PIK3CB: variants seen among roughly 807,000 people sequenced by gnomAD.
PIK3CB encodes the protein phosphatidylinositol 4,5-bisphosphate 3-kinase catalytic subunit beta isoform.
In PIK3CB, 39 loss-of-function variants were observed where a neutral mutation model predicts 136.8. The ratio of observed to expected loss-of-function variants is 0.29; its 90% CI spans 0.22 to 0.37. The LOEUF (loss-of-function observed/expected upper bound fraction) is 0.37, where lower values mean the gene tolerates loss of function less well. Among genes scored for constraint, PIK3CB ranks in the 10% least tolerant of loss-of-function variants. The pLI, the probability that PIK3CB is intolerant of heterozygous loss-of-function variation, is 1.00. For synonymous variants in PIK3CB, 428 were observed against 436.6 expected (o/e 0.98, Z 0.25); for missense variants, 868 against 1,275.4 (o/e 0.68, Z 4.87).
intron 12 of PIK3CB, among the ~76,000 whole-genome samples, chr3:138,702,765 T>C (rs1295487068): frequency 1.3e-5 from 2 of 152,252 alleles, no homozygotes; most frequent in African/African-American, 4.8e-5. Flanking sequence ...TTTAAATTTA[T>C]ACACAAACAC....
intron 1 of PIK3CB, among the ~76,000 whole-genome samples, chr3:138,818,955 A>C (rs984644239): frequency 2.6e-5 from 4 of 152,196 alleles, no homozygotes; most frequent in African/African-American, 9.6e-5. Flanking sequence ...CTACATTATA[A>C]GTCATAAAAA....
intron 8 of PIK3CB, among the ~76,000 whole-genome samples, chr3:138,731,567 C>T (rs2044974169): frequency 6.6e-6 from 1 of 151,832 alleles, no homozygotes; most frequent in South Asian, 2.1e-4. Context: ...TGCACTTTTT[C>T]ATTTGTTGCA....
chr3:138,777,502 C>T (rs1479142324), intron 2 of PIK3CB, among the ~76,000 whole-genome samples: 1 of 152,168 alleles, frequency 6.6e-6, no homozygotes, highest in Non-Finnish European at 1.5e-5. Context: ...GTGAAGAAGC[C>T]TTCAATGACT....
rs778245232 is a variant in PIK3CB at position 138,654,760 on chromosome 3, A to G, written c.*629T>C. The stretch of plus-strand genomic sequence containing the variant: ...TTATAAATATATATGTAGCATATTT[A>G]TATATATTATATTTGCCTCACCAGT... On this transcript the variant is annotated 3_prime_UTR_variant, in exon 24 of 24. Coordinates refer to ENST00000674063, the MANE Select transcript of PIK3CB (RefSeq NM_006219.3). The G allele has an allele frequency of 9.4e-6, 2 of 211,904 alleles. No individual in the cohort carries two copies. The highest frequency in any genetic ancestry group is 1.9e-5 in the Non-Finnish European group (2 of 104,530). 13.1% of individuals were successfully genotyped at this position (211,904 alleles called of 1,614,324 possible).
In PIK3CB at chr3:138,655,185, T is replaced by G; in HGVS notation, c.*204A>C. ...ATCCATTGACAGTTTTCATGATAAG[T>G]CTTGGAAGCATTCAAAAAGCAGAGG... On this transcript the variant is annotated 3_prime_UTR_variant, in exon 24 of 24. Transcript: ENST00000674063. 1.7e-6 allele frequency: 1 copy of G among 575,628 alleles called. No homozygotes were observed. The allele number at this position is 575,628 out of a possible 1,614,324, so 35.7% of individuals were successfully genotyped here.
intron 5 of PIK3CB, among the ~76,000 whole-genome samples, chr3:138,740,654 T>C (rs1383178860): frequency 6.6e-6 from 1 of 152,134 alleles, no homozygotes. Flanking sequence ...TCATGAAATA[T>C]TGTACCTTTT....
chr3:138,661,751 C>A (rs1038987627), intron 21 of PIK3CB, among the ~76,000 whole-genome samples: 1 of 152,198 alleles, frequency 6.6e-6, no homozygotes, highest in African/African-American at 2.4e-5. Context: ...CAAGGAGATA[C>A]AAAACTGTGG....
At chr3:138,696,660 G>T (rs1559822086) in intron 13 of PIK3CB, among the ~76,000 whole-genome samples, 1 of 152,152 alleles carries the variant, frequency 6.6e-6, no homozygotes. Context: ...GTCTATAAAA[G>T]CTCCTAAAGG....
intron 19 of PIK3CB, among the ~76,000 whole-genome samples, chr3:138,671,062 T>G (rs764744154): frequency 5.3e-5 from 8 of 152,230 alleles, no homozygotes; most frequent in Non-Finnish European, 1.0e-4. Flanking sequence ...TTAGCCAGAC[T>G]GGTAAAATAA....
chr3:138,742,610 T>A lies in PIK3CB; in HGVS notation c.569A>T (p.Asp190Val). The change falls in exon 5 of 24, where the codon GAT (aspartate) becomes GTT (valine). Residue 190 changes from aspartate (D) to valine (V), a missense_variant. By Grantham distance (152) the Asp-to-Val change is radical. This residue lies in a region of PIK3CB where 612 missense variants were observed against 801.1 expected (regional missense o/e 0.76). Coordinates refer to ENST00000674063, the MANE Select transcript of PIK3CB (RefSeq NM_006219.3). The stretch of plus-strand genomic sequence containing the variant: ...GATGAGCTTTCCCCCATAAAGTTTA[T>A]CTTCTAAGTTTTCAGGGATGGATGG... ...HEPSIPENLE[D>V]KLYGGKLIVA... The A allele has an allele frequency of 1.1e-5, 17 of 1,608,140 alleles. No individual in the cohort carries two copies. The highest frequency in any genetic ancestry group is 1.4e-5 in the Non-Finnish European group (16 of 1,175,146).
chr3:138,656,210 G>A lies in PIK3CB; in HGVS notation c.3007C>T (p.Leu1003Phe). The A allele has an allele frequency of 6.2e-7, 1 of 1,614,080 alleles. No individual in the cohort carries two copies. Among genetic ancestry groups the A allele is most frequent in the Non-Finnish European group, 8.5e-7 (1 of 1,179,950 alleles). Residue 1003 changes from leucine (L) to phenylalanine (F), a missense_variant, in exon 23 of 24, where the codon CTC becomes TTC. This residue lies in a region of PIK3CB where 88 missense variants were observed against 147.8 expected (regional missense o/e 0.60). Coordinates refer to ENST00000674063, the MANE Select transcript of PIK3CB (RefSeq NM_006219.3). ...LRRHGNLFIT[L>F]FALMLTAGLP... ...CCTGCAGTCAACATCAGCGCAAAGA[G>A]AGTGATGAAGAGATTCCCATGCCGT... is the stretch of plus-strand genomic sequence containing the variant.
At position 138,659,866 on chromosome 3, in the gene PIK3CB, C is replaced by CTTTTT. The variant is rs56255742; in HGVS notation, c.2797-2036_2797-2032dup. On this transcript the variant is annotated intron_variant, in intron 21 of 23. Transcript: ENST00000674063. ...TTAGTAAGTGCCCTTCTTTCCTCTT[C>CTTTTT]TTTTTTTTTTTTTTTTTTTTTTTTT... is the stretch of plus-strand genomic sequence containing the variant. 3.0e-4 allele frequency among the ~76,000 whole-genome samples: 23 copies of CTTTTT among 75,422 alleles called. 1 individual carries two copies. Among genetic ancestry groups the CTTTTT allele is most frequent in the African/African-American group, 7.9e-4 (14 of 17,806 alleles). The allele number at this position is 75,422 out of a possible 152,430, so 49.5% of individuals were successfully genotyped here.
At chr3:138,729,543 T>G (rs576515105) in intron 8 of PIK3CB, among the ~76,000 whole-genome samples, 1 of 152,184 alleles carries the variant, frequency 6.6e-6, no homozygotes, top group African/African-American at 2.4e-5. Flanking sequence ...CCTCCCCAAG[T>G]AAGACAGAAT....
intron 4 of PIK3CB, among the ~76,000 whole-genome samples, chr3:138,743,210 C>G (rs1224190817): frequency 6.6e-6 from 1 of 152,096 alleles, no homozygotes; most frequent in East Asian, 1.9e-4. Flanking sequence ...AACTAAGAAT[C>G]AAGTTATTAT....
At chr3:138,777,427 G>A (rs1165814394) in intron 2 of PIK3CB, among the ~76,000 whole-genome samples, 2 of 152,152 alleles carry the variant, frequency 1.3e-5, no homozygotes, top group Non-Finnish European at 2.9e-5. Flanking sequence ...AGACACATGG[G>A]AGAGGCCAAG....
chr3:138,805,671 C>CA (rs2046226368), intron 1 of PIK3CB, among the ~76,000 whole-genome samples: 1 of 151,850 alleles, frequency 6.6e-6, no homozygotes, highest in South Asian at 2.1e-4. Context: ...GACTCCGTCT[C>CA]AAAAAACACA....
intron 2 of PIK3CB, among the ~76,000 whole-genome samples, chr3:138,790,342 G>C (rs912928645): frequency 6.6e-6 from 1 of 151,882 alleles, no homozygotes; most frequent in Admixed American, 6.6e-5. Flanking sequence ...CCCAGATGCA[G>C]TGGCTCACAC....
chr3:138,775,229 G>C (rs951850721), intron 2 of PIK3CB, among the ~76,000 whole-genome samples: 8 of 152,140 alleles, frequency 5.3e-5, no homozygotes, highest in Non-Finnish European at 8.8e-5. Context: ...CTCAGTGCTA[G>C]GCCTTGATCA....
intron 1 of PIK3CB, among the ~76,000 whole-genome samples, chr3:138,813,246 C>G (rs1208913557): frequency 1.3e-5 from 2 of 151,998 alleles, no homozygotes; most frequent in East Asian, 3.9e-4. Flanking sequence ...CTGCTCTACC[C>G]CAGCATTTCG....
Sources: gnomAD v4.1 joint callset for allele counts (sites outside exome capture counted in the v4.1 genomes callset) on GRCh38, gnomAD v4.1.1 for gene constraint, gnomAD v4.1.1 regional missense constraint, MANE v1.5 for transcripts, NCBI Gene and HGNC (gene_info 2026-07-23, HGNC 2026-07-21) for gene names.